Variants in CEP164 observed in about 807,000 individuals in gnomAD.
CEP164 encodes centrosomal protein 164.
Under a neutral mutation model 182.7 loss-of-function variants are expected in CEP164, and 162 were observed. That is an observed-to-expected ratio of 0.89 (90% CI 0.78 to 1.01). CEP164 has a LOEUF of 1.01. Among genes scored for constraint, CEP164 ranks in the 50% least tolerant of loss-of-function variants. The pLI is 0.00. For synonymous variants in CEP164, 661 were observed against 690.0 expected (o/e 0.96, Z 0.66); for missense variants, 1,735 against 1,790.4 (o/e 0.97, Z 0.56).
At chr11:117,382,010 T>TCAGCAG (rs1005918534) in intron 13 of CEP164, 142 bp downstream of exon 13, 3 of 674,796 alleles carry the variant, frequency 4.4e-6, no homozygotes, top group African/African-American at 1.9e-5. Context: ...GTTTGTAGCC[T>TCAGCAG]CAGCAGCAGC....
At position 117,344,185 on chromosome 11, in the gene CEP164, G is replaced by A. The variant is rs1389588298; in HGVS notation, c.102G>A (p.Arg34=). ...TTGCAGAAATTCTTGAATTTGCCCG[G>A]GAGATTGGTATTGATCCCATCAAGG... ...PSEQEILEFA[R]EIGIDPIKEP... Residue 34 remains arginine (R), a synonymous_variant, in exon 4 of 33, where the codon CGG becomes CGA. Transcript: ENST00000278935. 1.9e-6 allele frequency: 3 copies of A among 1,612,092 alleles called. No homozygotes were observed. Among genetic ancestry groups the A allele is most frequent in the South Asian group, 1.1e-5 (1 of 90,676 alleles).
intron 27 of CEP164, among the ~76,000 whole-genome samples, chr11:117,404,482 G>C (rs2046459153): frequency 6.6e-6 from 1 of 152,210 alleles, no homozygotes; most frequent in African/African-American, 2.4e-5. Flanking sequence ...ACCAGCGGAG[G>C]CTGCAGAACA....
chr11:117,377,552 G>A (rs7952470), intron 11 of CEP164, among the ~76,000 whole-genome samples: 29,030 of 152,132 alleles, frequency 0.19, 2,808 homozygotes, highest in Admixed American at 0.25. Flanking sequence ...GGAGGAGAGA[G>A]CAGCAGCCCC....
At chr11:117,339,914 C>T (rs1357744075) in intron 3 of CEP164, among the ~76,000 whole-genome samples, 4 of 152,096 alleles carry the variant, frequency 2.6e-5, no homozygotes, top group Non-Finnish European at 1.5e-5. Context: ...GAAATCAAGG[C>T]ACAGAAAGAT....
intron 1 of CEP164, among the ~76,000 whole-genome samples, chr11:117,322,260 C>T (rs2035270410): frequency 2.0e-5 from 3 of 151,956 alleles, no homozygotes; most frequent in African/African-American, 4.8e-5. Flanking sequence ...GGACTACAGG[C>T]GTGTACCACC....
chr11:117,404,262 T>C (rs2046439570), intron 27 of CEP164, among the ~76,000 whole-genome samples: 1 of 152,216 alleles, frequency 6.6e-6, no homozygotes, highest in Non-Finnish European at 1.5e-5. Flanking sequence ...TCAGCATTTT[T>C]GTGCTGGTTT....
chr11:117,351,726 C>T (rs1188643084), intron 4 of CEP164, 64 bp from the exon 5 acceptor site: 17 of 1,483,388 alleles, frequency 1.1e-5, no homozygotes, highest in South Asian at 2.5e-5. Flanking sequence ...TTTTTTTCCC[C>T]TCTTTTTTTT....
Position 117,348,211 on chromosome 11 carries a change from A to G in CEP164, c.195-3579A>G, listed in dbSNP as rs578244925. On this transcript the variant is annotated intron_variant, in intron 4 of 32. Transcript: ENST00000278935. ...GGTCTTGAACTCCTAAGCTCAAGCAATTTGCCTGCCTTGATCTCCTAGAGT... is the reference window on the plus strand; with the variant it reads ...GGTCTTGAACTCCTAAGCTCAAGCAGTTTGCCTGCCTTGATCTCCTAGAGT... Among the ~76,000 whole-genome samples the G allele has an allele frequency of 1.5e-4, 23 of 152,166 alleles. No homozygotes were observed. In the East Asian group the frequency reaches 1.9e-3, roughly 13 times the overall value.
At chr11:117,374,972 C>T (rs1209487009) in intron 10 of CEP164, among the ~76,000 whole-genome samples, 1 of 152,176 alleles carries the variant, frequency 6.6e-6, no homozygotes, top group Non-Finnish European at 1.5e-5. Context: ...CCTGTGGCAG[C>T]CAAAGGACAG....
chr11:117,353,663 C>G (rs1315824329), intron 5 of CEP164, among the ~76,000 whole-genome samples: 1 of 152,174 alleles, frequency 6.6e-6, no homozygotes, highest in African/African-American at 2.4e-5. Context: ...GTTCTTAGGG[C>G]TCAGGACAGG....
intron 5 of CEP164, among the ~76,000 whole-genome samples, chr11:117,357,683 A>G (rs907201784): frequency 6.6e-6 from 1 of 152,144 alleles, no homozygotes; most frequent in Non-Finnish European, 1.5e-5. Flanking sequence ...CAGTCTCCCA[A>G]AGTCCTGGGA....
chr11:117,408,840 T>C lies in CEP164; in HGVS notation c.3610-50T>C, dbSNP rs746669491. 3.7e-6 allele frequency: 6 copies of C among 1,608,530 alleles called. No individual in the cohort carries two copies. The South Asian group carries it at 6.6e-5, about 18-fold the overall frequency. The stretch of plus-strand genomic sequence containing the variant: ...CTTCCTAGGAAGGAAAAAGGAAGGG[T>C]AGAAAGCACGTGGGAGAGGTGGGTC... On this transcript the variant is annotated intron_variant, in intron 28 of 32. Coordinates refer to ENST00000278935, the MANE Select transcript of CEP164 (RefSeq NM_014956.5).
intron 2 of CEP164, among the ~76,000 whole-genome samples, chr11:117,337,861 C>T (rs953760146): frequency 2.0e-5 from 3 of 151,930 alleles, no homozygotes; most frequent in African/African-American, 4.8e-5. Context: ...CTCTTTAGCA[C>T]GGTCTGCAAG....
In CEP164 at chr11:117,409,465, C is replaced by T; in HGVS notation, c.3749-153C>T. 3 of 702,608 alleles carry T rather than the reference C, an allele frequency of 4.3e-6. No homozygotes were observed. The highest frequency in any genetic ancestry group is 3.6e-5 in the South Asian group (2 of 56,196). 43.5% of individuals were successfully genotyped at this position (702,608 alleles called of 1,614,324 possible). ...TTGCACTGTCTGGAACACAGAAGCC[C>T]TGCCATCCCTGACCCCCTCATAAGG... On this transcript the variant is annotated intron_variant, in intron 29 of 32. Coordinates refer to ENST00000278935, the MANE Select transcript of CEP164 (RefSeq NM_014956.5). This position sits in a 1 kb window ranked among gnomAD's most constrained non-coding sequence, Gnocchi z 4.4.
In CEP164 at chr11:117,396,558, C is replaced by T. The variant is rs144421639; in HGVS notation, c.3225C>T (p.Thr1075=). ...DLRKSLGTNQ[T]KEVSSSLSQS... ...CTACCATGTGTCCCTAGAACCAGAC[C>T]AAAGAGGTGTCTTCTTCTCTCTCCC... Residue 1075 remains threonine, a synonymous_variant, in exon 26 of 33, where the codon ACC becomes ACT. Transcript: ENST00000278935. 630 of 1,613,676 alleles carry T rather than the reference C, an allele frequency of 3.9e-4. 2 individuals carry two copies. In the African/African-American group the frequency reaches 7.3e-3, roughly 19 times the overall value.
chr11:117,375,546 T>C (rs1333892133), intron 10 of CEP164, among the ~76,000 whole-genome samples, 162 bp from the exon 11 acceptor site: 1 of 152,246 alleles, frequency 6.6e-6, no homozygotes, highest in Non-Finnish European at 1.5e-5. Context: ...TGAGTCACAG[T>C]GTCATTTTGA....
intron 27 of CEP164, 145 bp downstream of exon 27, chr11:117,397,458 C>G: frequency 1.5e-6 from 1 of 668,604 alleles, no homozygotes; most frequent in Non-Finnish European, 2.6e-6. Flanking sequence ...CTTATATTTA[C>G]TTGGCAATGC....
At chr11:117,336,400 A>G in intron 2 of CEP164, 1 of 1,402,502 alleles carries the variant, frequency 7.1e-7, no homozygotes, top group Non-Finnish European at 1.0e-6. Context: ...GTATGGAGGA[A>G]GGTGGGGACC....
chr11:117,407,878 C>A (rs766670329), intron 27 of CEP164, 47 bp from the exon 28 acceptor site: 3 of 1,417,116 alleles, frequency 2.1e-6, no homozygotes, highest in East Asian at 5.0e-5. Context: ...GGGACTCCAG[C>A]GTCTGTGTGG....
Sources: allele counts gnomAD v4.1 joint callset (sites outside exome capture counted in the v4.1 genomes callset), GRCh38; gene constraint gnomAD v4.1.1; non-coding constraint Gnocchi (gnomAD v3.1); transcripts MANE v1.5; gene names NCBI Gene and HGNC (gene_info 2026-07-23, HGNC 2026-07-21).